Variants in LNX1 observed in about 807,000 individuals in gnomAD.
LNX1 encodes E3 ubiquitin-protein ligase LNX.
LNX1 carries 54 observed loss-of-function variants against 68.4 expected under a neutral mutation model. The observed-to-expected ratio is 0.79, with a 90% CI of 0.63 to 0.99. The LOEUF is 0.99. Among genes scored for constraint, LNX1 ranks in the 50% least tolerant of loss-of-function variants. The pLI, the probability that LNX1 is intolerant of heterozygous loss-of-function variation, is 0.00. For synonymous variants in LNX1, 336 were observed against 350.0 expected (o/e 0.96, Z 0.45); for missense variants, 906 against 926.4 (o/e 0.98, Z 0.29).
intron 2 of LNX1, among the ~76,000 whole-genome samples, chr4:53,599,395 G>T (rs1174038595): frequency 2.6e-5 from 4 of 152,152 alleles, no homozygotes; most frequent in African/African-American, 9.7e-5. Flanking sequence ...ACATCAGGAA[G>T]TTACCCTATA....
chr4:53,636,179 C>CTTTTTTTTT (rs11440722), intron 1 of LNX1, among the ~76,000 whole-genome samples: 57 of 85,202 alleles, frequency 6.7e-4, no homozygotes, highest in Non-Finnish European at 8.3e-4. Context: ...TCTATTACTC[C>CTTTTTTTTT]TTTTTTTTTT....
chr4:53,591,643 A>C (rs1394222584), upstream of LNX1: 8 of 910,638 alleles, frequency 8.8e-6, no homozygotes, highest in Non-Finnish European at 1.1e-5. Context: ...CCCACCTGTC[A>C]TTTACCTGAA....
At chr4:53,542,833 G>A (rs933372656) in intron 2 of LNX1, among the ~76,000 whole-genome samples, 5 of 152,202 alleles carry the variant, frequency 3.3e-5, no homozygotes, top group South Asian at 2.1e-4. Context: ...TGTTTAACCC[G>A]GTAAGAACCC....
intron 2 of LNX1, among the ~76,000 whole-genome samples, chr4:53,550,764 A>G (rs1174114525): frequency 6.6e-6 from 1 of 152,182 alleles, no homozygotes; most frequent in African/African-American, 2.4e-5. Context: ...TTCATGGCCC[A>G]ATACCTGGCC....
At chr4:53,642,494 G>A (rs557498663) in intron 1 of LNX1, among the ~76,000 whole-genome samples, 2 of 152,268 alleles carry the variant, frequency 1.3e-5, no homozygotes, top group African/African-American at 4.8e-5. Flanking sequence ...GTCCTGAGGG[G>A]CCAGCACCAG....
intron 2 of LNX1, among the ~76,000 whole-genome samples, chr4:53,545,061 G>T (rs1383663859): frequency 6.6e-6 from 1 of 152,184 alleles, no homozygotes; most frequent in Non-Finnish European, 1.5e-5. Flanking sequence ...TAAGAGGGAA[G>T]GATTATTCCA....
At chr4:53,498,620 C>A in intron 5 of LNX1, 21 bp downstream of exon 5, 1 of 1,597,512 alleles carries the variant, frequency 6.3e-7, no homozygotes, top group South Asian at 1.1e-5. Context: ...CTTGCTGCAG[C>A]CCCACAGCCA....
At chr4:53,523,214 A>C (rs140956191) in intron 2 of LNX1, 2 of 152,356 alleles carry the variant, frequency 1.3e-5, no homozygotes, top group African/African-American at 4.8e-5. Flanking sequence ...ACAAAGAATA[A>C]GGATTGTTAT....
At chr4:53,591,315 A>C (rs1036775103) in intron 1 of LNX1, 73 bp downstream of exon 1, 5 of 897,082 alleles carry the variant, frequency 5.6e-6, no homozygotes, top group African/African-American at 5.4e-5. Context: ...TTTTCATTCA[A>C]ATTCCGTGTT....
At chr4:53,599,290 A>G (rs1254780221) in intron 2 of LNX1, among the ~76,000 whole-genome samples, 1 of 152,058 alleles carries the variant, frequency 6.6e-6, no homozygotes, top group Non-Finnish European at 1.5e-5. Flanking sequence ...GCCAGCTAAA[A>G]CCCACCAAAA....
At chr4:53,521,565 C>G (rs1049604064) in intron 2 of LNX1, among the ~76,000 whole-genome samples, 2 of 152,044 alleles carry the variant, frequency 1.3e-5, no homozygotes, top group African/African-American at 4.8e-5. Flanking sequence ...TTACATGAAA[C>G]AAAAATCCTA....
At chr4:53,612,946 G>A (rs1196294856) in intron 2 of LNX1, among the ~76,000 whole-genome samples, 4 of 151,698 alleles carry the variant, frequency 2.6e-5, no homozygotes, top group Admixed American at 2.0e-4. Context: ...AAAGGATATC[G>A]TTGAATGAGT....
chr4:53,510,042 CTG>C (rs1368036005), intron 2 of LNX1, among the ~76,000 whole-genome samples: 1 of 152,202 alleles, frequency 6.6e-6, no homozygotes, highest in African/African-American at 2.4e-5. Flanking sequence ...AATCACAATT[CTG>C]TGTTTTCTTG....
At position 53,460,583 on chromosome 4, in the gene LNX1, A is replaced by AAAT. The variant is rs1721803143; in HGVS notation, c.*321_*323dup. Reference sequence around the variant, plus strand: ...CCCTTGGCAGACTTCAGCATATACCAAATTTTAAATTTAAATCAGCTTGAA... The same window carrying AAAT: ...CCCTTGGCAGACTTCAGCATATACCAAATAATTTTAAATTTAAATCAGCTTGAA... On this transcript the variant is annotated 3_prime_UTR_variant, in exon 11 of 11. Transcript: ENST00000263925. 4.1e-6 allele frequency: 1 copy of AAAT among 245,472 alleles called. No homozygotes were observed. Among genetic ancestry groups the AAAT allele is most frequent in the African/African-American group, 2.2e-5 (1 of 44,718 alleles). 15.2% of individuals were successfully genotyped at this position (245,472 alleles called of 1,614,324 possible).
At chr4:53,650,319 CA>C (rs999569213) in intron 1 of LNX1, among the ~76,000 whole-genome samples, 3 of 152,202 alleles carry the variant, frequency 2.0e-5, no homozygotes, top group African/African-American at 7.2e-5. Context: ...GGAGCCAGCT[CA>C]GGGCAGCCCA....
chr4:53,633,315 T>C (rs1285100788), intron 1 of LNX1, among the ~76,000 whole-genome samples: 1 of 152,206 alleles, frequency 6.6e-6, no homozygotes, highest in African/African-American at 2.4e-5. Context: ...TTCTGCACTA[T>C]CCTCTTTGGT....
intron 1 of LNX1, among the ~76,000 whole-genome samples, chr4:53,577,281 G>A (rs1406345122): frequency 3.3e-5 from 5 of 152,182 alleles, no homozygotes; most frequent in Non-Finnish European, 5.9e-5. Context: ...AAAGCTCTAG[G>A]TCTTTTAAAG....
chr4:53,550,417 C>T (rs1729420735), intron 2 of LNX1, among the ~76,000 whole-genome samples: 1 of 152,224 alleles, frequency 6.6e-6, no homozygotes, highest in South Asian at 2.1e-4. Flanking sequence ...ATGCTCAAAA[C>T]ACAGGACAAG....
At chr4:53,609,512 G>A (rs1457383929) in intron 2 of LNX1, among the ~76,000 whole-genome samples, 2 of 147,924 alleles carry the variant, frequency 1.4e-5, no homozygotes, top group East Asian at 3.9e-4. Flanking sequence ...TATTTATACG[G>A]AAATTTTATA....
Sources: allele counts gnomAD v4.1 joint callset (sites outside exome capture counted in the v4.1 genomes callset), GRCh38; gene constraint gnomAD v4.1.1; transcripts MANE v1.5; gene names NCBI Gene and HGNC (gene_info 2026-07-23, HGNC 2026-07-21).